The following AVEN variants were observed in gnomAD, a reference collection of about 807,000 sequenced individuals.
AVEN encodes cell death regulator Aven.
In AVEN, 41 loss-of-function variants were observed where a neutral mutation model predicts 38.1. That is an observed-to-expected ratio of 1.08 (90% CI 0.84 to 1.40). The LOEUF (loss-of-function observed/expected upper bound fraction) is 1.40, where lower values mean the gene tolerates loss of function less well. Among genes scored for constraint, AVEN ranks in the 40% most tolerant of loss-of-function variants. The pLI is 0.00. For missense variants in AVEN, 605 were observed against 438.8 expected (o/e 1.38, Z -3.38); for synonymous variants, 206 against 171.8 (o/e 1.20, Z -1.56).
chr15:34,075,148 C>A (rs1397151094), exon 1 of AVEN, among the ~76,000 whole-genome samples: 1 of 144,194 alleles, frequency 6.9e-6, no homozygotes, highest in African/African-American at 2.7e-5. Context: ...CGCCACTGCA[C>A]TCCAGCCTGG....
intron 2 of AVEN, among the ~76,000 whole-genome samples, chr15:33,951,509 TA>T (rs1270042858): frequency 1.3e-5 from 2 of 150,070 alleles, no homozygotes; most frequent in Non-Finnish European, 2.9e-5. Context: ...CATGTATACA[TA>T]TGTAACAAAC....
intron 2 of AVEN, among the ~76,000 whole-genome samples, chr15:33,927,061 T>C (rs1282659753): frequency 6.6e-6 from 1 of 152,138 alleles, no homozygotes; most frequent in African/African-American, 2.4e-5. Flanking sequence ...GAGACCATCC[T>C]GGCTAACACG....
intron 5 of AVEN, among the ~76,000 whole-genome samples, chr15:34,045,887 G>A (rs1203595076): frequency 6.6e-6 from 1 of 152,164 alleles, no homozygotes; most frequent in Non-Finnish European, 1.5e-5. Context: ...AATCGGCCAA[G>A]GTTGGAAACC....
rs533788693 is a variant in AVEN at position 33,899,460 on chromosome 15, C to CTTTTT, written c.446-23470_446-23466dup. Among the ~76,000 whole-genome samples the CTTTTT allele has an allele frequency of 7.2e-4, 47 of 65,438 alleles. 2 individuals carry two copies. Among genetic ancestry groups the CTTTTT allele is most frequent in the East Asian group, 6.4e-3 (13 of 2,032 alleles). 42.9% of individuals were successfully genotyped at this position (65,438 alleles called of 152,430 possible). A position where few individuals can be genotyped will look rare whatever the true frequency, so the allele number is the denominator to read the frequency against. On this transcript the variant is annotated intron_variant, in intron 2 of 5. Coordinates refer to ENST00000306730, the MANE Select transcript of AVEN (RefSeq NM_020371.3). ...TACATTTATTTGCTTCAGGGAAAAC[C>CTTTTT]TTTTTTTTTTTTTTTTTTTTTTTTT...
At chr15:33,853,180 A>ATGC in the AVEN span, 1 of 1,092,466 alleles carries the variant, frequency 9.2e-7, no homozygotes, top group Non-Finnish European at 1.3e-6. Context: ...AGTAAATGTG[A>ATGC]TGCTACTTTT....
chr15:34,000,585 C>T (rs768379804), intron 2 of AVEN, among the ~76,000 whole-genome samples: 2 of 152,132 alleles, frequency 1.3e-5, no homozygotes, highest in Non-Finnish European at 2.9e-5. Flanking sequence ...AAGGATAGTA[C>T]ACTAGAAAGC....
intron 2 of AVEN, among the ~76,000 whole-genome samples, chr15:34,002,097 A>G (rs932686704): frequency 6.6e-6 from 1 of 152,150 alleles, no homozygotes; most frequent in Non-Finnish European, 1.5e-5. Flanking sequence ...ATTTTGCAAA[A>G]CCATAATATA....
chr15:34,064,063 T>C, intron 4 of AVEN: 1 of 1,614,218 alleles, frequency 6.2e-7, no homozygotes, highest in South Asian at 1.1e-5. Context: ...GCCATTCTCC[T>C]GGCCTTCATC....
At chr15:33,900,066 T>C (rs1404087471) in intron 2 of AVEN, among the ~76,000 whole-genome samples, 1 of 152,180 alleles carries the variant, frequency 6.6e-6, no homozygotes, top group Non-Finnish European at 1.5e-5. Flanking sequence ...GCATGTATTA[T>C]TGTCCTAGTG....
rs557947897 is a variant in AVEN, at chr15:34,044,453, T to G, written n.1637+18469A>C. ...CTACCCTTAGGAATTTAAAGATATA[T>G]ATAATCCTTGCCCTAGGTTTGTGGG... On this transcript the variant is annotated intron_variant and non_coding_transcript_variant, in intron 5 of 11. Coordinates refer to the AVEN transcript ENST00000675287. Among the ~76,000 whole-genome samples the G allele has an allele frequency of 2.0e-5, 3 of 152,336 alleles. No individual in the cohort carries two copies. The South Asian group carries it at 6.2e-4, about 32-fold the overall frequency.
intron 2 of AVEN, among the ~76,000 whole-genome samples, chr15:33,931,821 C>G (rs984563247): frequency 6.6e-6 from 1 of 151,904 alleles, no homozygotes; most frequent in Non-Finnish European, 1.5e-5. Flanking sequence ...TAGAAAGATC[C>G]CTTTCTCACA....
At chr15:33,866,791 G>A (rs1429507296) in intron 5 of AVEN, 63 bp from the exon 6 acceptor site, 3 of 1,194,166 alleles carry the variant, frequency 2.5e-6, no homozygotes, top group Admixed American at 1.9e-5. Context: ...GTATAATTCA[G>A]CCCAATTTAT....
intron 2 of AVEN, among the ~76,000 whole-genome samples, chr15:33,936,642 G>T (rs879589729): frequency 6.6e-6 from 1 of 152,080 alleles, no homozygotes. Context: ...TGTGTCTGTG[G>T]TGTGTGCATG....
chr15:33,960,737 T>C (rs574329649), intron 2 of AVEN, among the ~76,000 whole-genome samples: 21 of 152,302 alleles, frequency 1.4e-4, no homozygotes, highest in African/African-American at 5.1e-4. Context: ...TTCTGCTGTA[T>C]AGCGACTTGA....
intron 1 of AVEN, among the ~76,000 whole-genome samples, chr15:34,020,857 T>A (rs1898171025): frequency 6.6e-6 from 1 of 152,242 alleles, no homozygotes; most frequent in African/African-American, 2.4e-5. Flanking sequence ...AGCTGTTTGA[T>A]TTGCCATTTT....
At position 33,868,487 on chromosome 15, in the gene AVEN, G is replaced by T. The variant is rs542127436; in HGVS notation, c.613-632C>A. Among the ~76,000 whole-genome samples, 10 of 137,380 alleles carry T rather than the reference G, an allele frequency of 7.3e-5. No homozygotes were observed. In the South Asian group the frequency reaches 2.1e-3, roughly 29 times the overall value. The allele number at this position is 137,380 out of a possible 152,430, so 90.1% of individuals were successfully genotyped here. A position where few individuals can be genotyped will look rare whatever the true frequency, so the allele number is the denominator to read the frequency against. On this transcript the variant is annotated intron_variant, in intron 4 of 5. Coordinates refer to ENST00000306730, the MANE Select transcript of AVEN (RefSeq NM_020371.3). ...GTGAACCTGGGAGGCGGAGCTTGCAGTAAGCTGAGATTGTACCACTGCACT... is the reference window on the plus strand; with the variant it reads ...GTGAACCTGGGAGGCGGAGCTTGCATTAAGCTGAGATTGTACCACTGCACT...
At chr15:33,868,607 G>A (rs1472712319) in intron 4 of AVEN, among the ~76,000 whole-genome samples, 2 of 146,850 alleles carry the variant, frequency 1.4e-5, no homozygotes, top group Admixed American at 6.8e-5. Flanking sequence ...TCTGTTCATT[G>A]TATTTAAGTG....
chr15:33,939,052 A>C (rs925214323), intron 2 of AVEN, among the ~76,000 whole-genome samples: 1 of 152,188 alleles, frequency 6.6e-6, no homozygotes. Context: ...CATGTTGGCC[A>C]GGCTGGTCTC....
intron 1 of AVEN, among the ~76,000 whole-genome samples, chr15:34,024,447 TG>T (rs1037351958): frequency 1.5e-5 from 2 of 131,588 alleles, no homozygotes; most frequent in African/African-American, 6.0e-5. Flanking sequence ...CCCTCCAGCC[TG>T]GGCAACAGAA....
Sources: allele counts gnomAD v4.1 joint callset (sites outside exome capture counted in the v4.1 genomes callset), GRCh38; gene constraint gnomAD v4.1.1; transcripts MANE v1.5; gene names NCBI Gene and HGNC (gene_info 2026-07-23, HGNC 2026-07-21).